Variants in HEG1 observed in about 807,000 individuals in gnomAD.
HEG1 encodes heart development protein with EGF like domains 1.
HEG1 carries 56 observed loss-of-function variants against 125.6 expected under a neutral mutation model. The ratio of observed to expected loss-of-function variants is 0.45; its 90% confidence interval spans 0.36 to 0.56. The LOEUF (loss-of-function observed/expected upper bound fraction) is 0.56. Among genes scored for constraint, HEG1 ranks in the 20% least tolerant of loss-of-function variants. HEG1 has a pLI of 0.00. For missense variants in HEG1, 1,523 were observed against 1,670.0 expected, an observed-to-expected ratio of 0.91 and a Z score of 1.53; for synonymous variants, 644 against 668.5, an observed-to-expected ratio of 0.96 and a Z score of 0.57.
At position 125,015,091 on chromosome 3, in the gene HEG1, G is replaced by C. The variant is rs950350908; in HGVS notation, c.1589-1101C>G. 17 of 1,014,394 alleles carry C rather than the reference G, an allele frequency of 1.7e-5. No individual in the cohort carries two copies. The African/African-American group carries it at 2.2e-4, about 13-fold the overall frequency. 62.8% of individuals were successfully genotyped at this position (1,014,394 alleles called of 1,614,324 possible). A position where few individuals can be genotyped will look rare whatever the true frequency, so the allele number is the denominator to read the frequency against. On this transcript the variant is annotated intron_variant, in intron 5 of 16. Coordinates refer to ENST00000311127, the MANE Select transcript of HEG1 (RefSeq NM_020733.2). ...ATCGTGCCCCAAGCCTCACTTCCTG[G>C]GCTGTGGGAGCCAAGACGCTCCCCT...
At chr3:124,974,608 G>T (rs570825046) in intron 15 of HEG1, among the ~76,000 whole-genome samples, 61 of 152,316 alleles carry the variant, frequency 4.0e-4, no homozygotes, top group Non-Finnish European at 4.1e-4. Context: ...GCAGGTTACA[G>T]AAATGCTACT....
At position 125,027,187 on chromosome 3, in the gene HEG1, T is replaced by G; in HGVS notation, c.913+18A>C. On this transcript the variant is annotated intron_variant, in intron 3 of 16. Coordinates refer to ENST00000311127, the MANE Select transcript of HEG1 (RefSeq NM_020733.2). ...TTTGAGTGACTTCCGAGTGTTAAGC[T>G]GGGTATGTGGCACTCACATGAGGAA... The G allele has an allele frequency of 6.4e-7, 1 of 1,558,942 alleles. No homozygotes were observed.
rs1937125356 is a variant in HEG1, at chr3:125,009,814, C to T, written c.3084G>A (p.Glu1028=). The T allele has an allele frequency of 6.2e-7, 1 of 1,613,076 alleles. No homozygotes were observed. The highest frequency in any genetic ancestry group is 1.3e-5 in the African/African-American group (1 of 74,914). Residue 1028 remains glutamate, a synonymous_variant, in exon 8 of 17, where the codon GAG becomes GAA. Transcript: ENST00000311127. ...QGDDCSVDVN[E]CLSNPCPSTA... Reference sequence around the variant, plus strand: ...TGGATGGGCAGGGGTTCGACAGGCACTCATTCACATCTGTAGAGGAGAAAA... The same window carrying T: ...TGGATGGGCAGGGGTTCGACAGGCATTCATTCACATCTGTAGAGGAGAAAA...
chr3:124,973,570 T>G (rs559873506), intron 16 of HEG1, among the ~76,000 whole-genome samples, 161 bp downstream of exon 16: 1 of 152,212 alleles, frequency 6.6e-6, no homozygotes, highest in African/African-American at 2.4e-5. Context: ...ATAAGTACCA[T>G]GCAAATAGAC....
At position 124,970,473 on chromosome 3, in the gene HEG1, T is replaced by A. The variant is rs1205493096; in HGVS notation, c.*179A>T. 3.4e-6 allele frequency: 2 copies of A among 592,010 alleles called. No homozygotes were observed. The highest frequency in any genetic ancestry group is 2.1e-5 in the South Asian group (1 of 48,744). 36.7% of individuals were successfully genotyped at this position (592,010 alleles called of 1,614,324 possible). On this transcript the variant is annotated 3_prime_UTR_variant, in exon 17 of 17. Transcript: ENST00000311127. ...CAACAAAGGTGCTGAATGAGCAGCCTGTGGTTCCACATCCACCTGTCTCCT... is the reference window on the plus strand; with the variant it reads ...CAACAAAGGTGCTGAATGAGCAGCCAGTGGTTCCACATCCACCTGTCTCCT...
chr3:125,053,493 C>T (rs1457107999), intron 1 of HEG1, among the ~76,000 whole-genome samples: 1 of 152,146 alleles, frequency 6.6e-6, no homozygotes, highest in African/African-American at 2.4e-5. Flanking sequence ...CTCTTCTAAT[C>T]GCACCTTCCT....
chr3:125,004,623 G>T (rs1937046088), intron 9 of HEG1, among the ~76,000 whole-genome samples: 2 of 151,930 alleles, frequency 1.3e-5, no homozygotes, highest in Admixed American at 6.6e-5. Context: ...CTGAGTAGCT[G>T]GGACCACACG....
In HEG1 at chr3:124,977,896, G is replaced by C; in HGVS notation, c.3784C>G (p.Leu1262Val). The change falls in exon 15 of 17, where the codon CTC (leucine) becomes GTC (valine). Residue 1262 changes from leucine to valine, a missense_variant. Physicochemically the swap from Leu to Val is conservative, Grantham distance 32. Coordinates refer to ENST00000311127, the MANE Select transcript of HEG1 (RefSeq NM_020733.2). ...VIAAAGGGLL[L>V]ILGIALIVTC... ...ACAATCAGTGCGATGCCTAGGATGA[G>C]CAGGAGCCCACCTCCCGCGGCTGCG... The C allele has an allele frequency of 6.3e-7, 1 of 1,580,372 alleles. No homozygotes were observed. Among genetic ancestry groups the C allele is most frequent in the Non-Finnish European group, 8.6e-7 (1 of 1,163,050 alleles).
chr3:125,007,759 T>C (rs534439125), intron 8 of HEG1, among the ~76,000 whole-genome samples: 7 of 152,304 alleles, frequency 4.6e-5, no homozygotes, highest in African/African-American at 1.7e-4. Context: ...AAGCAAATCA[T>C]TTGAGTCCTG....
At chr3:124,971,057 A>G (rs965113712) in intron 16 of HEG1, 2 of 575,160 alleles carry the variant, frequency 3.5e-6, no homozygotes, top group Admixed American at 2.2e-5. Flanking sequence ...ATAAGGTCCT[A>G]CGACCATCTA....
intron 8 of HEG1, among the ~76,000 whole-genome samples, chr3:125,007,406 AC>A (rs896829505): frequency 1.3e-5 from 2 of 152,102 alleles, no homozygotes; most frequent in Non-Finnish European, 2.9e-5. Flanking sequence ...CAGTTACAGC[AC>A]CTGGCTTTAA....
chr3:125,039,103 G>C (rs1047481904), intron 1 of HEG1, among the ~76,000 whole-genome samples: 1 of 152,032 alleles, frequency 6.6e-6, no homozygotes, highest in Non-Finnish European at 1.5e-5. Flanking sequence ...AGCCCCCTGT[G>C]CTGGGCCATA....
chr3:124,976,239 G>A lies in HEG1; in HGVS notation c.3821+1620C>T, dbSNP rs534468821. 2.6e-3 allele frequency among the ~76,000 whole-genome samples: 398 copies of A among 152,300 alleles called. 1 individual carries two copies. Among genetic ancestry groups the A allele is most frequent in the Non-Finnish European group, 4.4e-3 (300 of 68,034 alleles). On this transcript the variant is annotated intron_variant, in intron 15 of 16. Transcript: ENST00000311127. ...GTCTGGCTCTGTCACCCAGGCTGGAGTGCAGTGGCATGATCTCAGGTCACT... is the reference window on the plus strand; with the variant it reads ...GTCTGGCTCTGTCACCCAGGCTGGAATGCAGTGGCATGATCTCAGGTCACT...
chr3:125,040,966 G>A (rs1489120797), intron 1 of HEG1, among the ~76,000 whole-genome samples: 1 of 152,198 alleles, frequency 6.6e-6, no homozygotes, highest in Non-Finnish European at 1.5e-5. Context: ...TGGCAGGCAG[G>A]AGGGTAATTC....
At chr3:125,049,839 T>G (rs1937763163) in intron 1 of HEG1, among the ~76,000 whole-genome samples, 1 of 152,176 alleles carries the variant, frequency 6.6e-6, no homozygotes, top group Admixed American at 6.5e-5. Flanking sequence ...GGTTCATCTA[T>G]GAGGCCCCAG....
chr3:124,980,315 G>C (rs1936624955), intron 14 of HEG1, among the ~76,000 whole-genome samples: 1 of 152,158 alleles, frequency 6.6e-6, no homozygotes, highest in Non-Finnish European at 1.5e-5. Flanking sequence ...AAAGACCAGA[G>C]TCTGGCTCCT....
At chr3:124,983,653 C>A (rs1409898260) in intron 14 of HEG1, among the ~76,000 whole-genome samples, 1 of 152,022 alleles carries the variant, frequency 6.6e-6, no homozygotes, top group Non-Finnish European at 1.5e-5. Context: ...CCTTTAAAAT[C>A]TTTCCATTCC....
At chr3:125,026,342 A>G (rs887627874) in intron 3 of HEG1, among the ~76,000 whole-genome samples, 3 of 152,292 alleles carry the variant, frequency 2.0e-5, no homozygotes, top group Non-Finnish European at 4.4e-5. Flanking sequence ...AGAGGATTAC[A>G]GTCTCTCTGG....
intron 3 of HEG1, 42 bp downstream of exon 3, chr3:125,027,163 T>G: frequency 6.7e-7 from 1 of 1,496,560 alleles, no homozygotes. Context: ...TATGTCTACT[T>G]TGAGTGACTT....
Sources: allele counts gnomAD v4.1 joint callset (sites outside exome capture counted in the v4.1 genomes callset), GRCh38; gene constraint gnomAD v4.1.1; transcripts MANE v1.5; gene names NCBI Gene and HGNC (gene_info 2026-07-23, HGNC 2026-07-21).